KMT5B: variants seen among roughly 807,000 people sequenced by gnomAD.
The protein encoded by KMT5B is lysine methyltransferase 5B.
Under a neutral mutation model 83.2 loss-of-function variants are expected in KMT5B, and 10 were observed. The ratio of observed to expected loss-of-function variants is 0.12; its 90% CI spans 0.07 to 0.20. The LOEUF is 0.20. Ranked by LOEUF, KMT5B falls within the 10% of genes least tolerant of loss-of-function variation. The probability of loss-of-function intolerance (pLI) is 1.00; values close to 1 mark genes in which losing one functional copy is unlikely to be tolerated. For synonymous variants in KMT5B, 349 were observed against 388.8 expected (o/e 0.90, Z 1.20); for missense variants, 753 against 1,067.2 (o/e 0.71, Z 4.10).
At chr11:68,175,256 TGAGA>T in intron 4 of KMT5B, 73 bp from the exon 5 acceptor site, 2 of 1,247,060 alleles carry the variant, frequency 1.6e-6, no homozygotes, top group South Asian at 1.4e-5. Context: ...TAACAGATCT[TGAGA>T]AAGAGCTAAT....
At chr11:68,166,710 A>G in intron 10 of KMT5B, 1 of 1,272,580 alleles carries the variant, frequency 7.9e-7, no homozygotes, top group Non-Finnish European at 9.9e-7. Flanking sequence ...TGTTTAAAAC[A>G]TATGATGACC....
At chr11:68,184,424 G>T (rs1363081501) in intron 3 of KMT5B, among the ~76,000 whole-genome samples, 3 of 152,108 alleles carry the variant, frequency 2.0e-5, no homozygotes, top group African/African-American at 7.2e-5. Context: ...ATTTTTACCT[G>T]AATTACTTCT....
intron 10 of KMT5B, chr11:68,166,140 T>C (rs908893321): frequency 2.1e-6 from 3 of 1,422,320 alleles, no homozygotes; most frequent in Non-Finnish European, 2.8e-6. Context: ...CAGAGACAAG[T>C]GAGACTCAAG....
At chr11:68,194,754 A>G (rs1301602076) in intron 1 of KMT5B, among the ~76,000 whole-genome samples, 1 of 152,238 alleles carries the variant, frequency 6.6e-6, no homozygotes, top group African/African-American at 2.4e-5. Flanking sequence ...GACAAGAGCC[A>G]AAGAAACAGC....
chr11:68,204,859 C>T (rs943661857), intron 1 of KMT5B, among the ~76,000 whole-genome samples: 1 of 151,950 alleles, frequency 6.6e-6, no homozygotes, highest in Admixed American at 6.6e-5. Flanking sequence ...TCAAGTGATC[C>T]GCCCACCTTG....
chr11:68,178,068 T>C (rs1401908151), intron 4 of KMT5B, among the ~76,000 whole-genome samples: 1 of 152,178 alleles, frequency 6.6e-6, no homozygotes, highest in East Asian at 1.9e-4. Context: ...CCGTGCTTTG[T>C]GTGGCAATCA....
At position 68,158,841 on chromosome 11, in the gene KMT5B, G is replaced by A; in HGVS notation, c.1505C>T (p.Ala502Val). 5.6e-6 allele frequency: 9 copies of A among 1,614,148 alleles called. No homozygotes were observed. Among genetic ancestry groups the A allele is most frequent in the Non-Finnish European group, 7.6e-6 (9 of 1,180,042 alleles). The change falls in exon 11 of 11, where the codon GCC (alanine) becomes GTC (valine). Residue 502 changes from alanine (A) to valine (V), a missense_variant. Coordinates refer to ENST00000304363, the MANE Select transcript of KMT5B (RefSeq NM_017635.5). ...AGTCAAGCACCCGCTGGCAACTGCG[G>A]CTTGGGCTGGTCCCTCTGGCTCCTT... ...KDKEPEGPAQ[A>V]AVASGCLTRH...
At chr11:68,204,942 G>A (rs1190629104) in intron 1 of KMT5B, among the ~76,000 whole-genome samples, 1 of 152,018 alleles carries the variant, frequency 6.6e-6, no homozygotes, top group Non-Finnish European at 1.5e-5. Context: ...AAGCCGCTAA[G>A]TTTATGGAAT....
intron 10 of KMT5B, among the ~76,000 whole-genome samples, chr11:68,159,822 G>GCCT: frequency 6.6e-6 from 1 of 152,358 alleles, no homozygotes; most frequent in Non-Finnish European, 1.5e-5. Context: ...CAACCAGTGG[G>GCCT]CTGTCAACTT....
intron 1 of KMT5B, among the ~76,000 whole-genome samples, chr11:68,206,310 C>G (rs1014883402): frequency 3.9e-5 from 6 of 152,218 alleles, no homozygotes; most frequent in Non-Finnish European, 8.8e-5. Flanking sequence ...GAAACAGATG[C>G]CACCTAGTGT....
rs565876984 is a variant in KMT5B at position 68,176,205 on chromosome 11, T to G, written c.378-1022A>C. 6.6e-5 allele frequency among the ~76,000 whole-genome samples: 10 copies of G among 152,210 alleles called. No homozygotes were observed. The East Asian group carries it at 1.7e-3, about 27-fold the overall frequency. On this transcript the variant is annotated intron_variant, in intron 4 of 10. Transcript: ENST00000304363. Reference sequence around the variant, plus strand: ...TAGGTGTGAGCCACTGCGCCTGGCCTGCAGGGGTAGAATTGAAAAGGCTTC... The same window carrying G: ...TAGGTGTGAGCCACTGCGCCTGGCCGGCAGGGGTAGAATTGAAAAGGCTTC...
At position 68,201,642 on chromosome 11, in the gene KMT5B, G is replaced by A. The variant is rs76589521; in HGVS notation, c.-76-11490C>T. Among the ~76,000 whole-genome samples the A allele has an allele frequency of 2.9e-4, 44 of 152,126 alleles. No individual in the cohort carries two copies. In the East Asian group the frequency reaches 7.5e-3, roughly 26 times the overall value. On this transcript the variant is annotated intron_variant, in intron 1 of 10. Coordinates refer to ENST00000304363, the MANE Select transcript of KMT5B (RefSeq NM_017635.5). ...CTGAATGACTAGAAAGAATGTTAACGTAATTCCTGTGACATTACCGAGAAC... is the reference window on the plus strand; with the variant it reads ...CTGAATGACTAGAAAGAATGTTAACATAATTCCTGTGACATTACCGAGAAC...
intron 9 of KMT5B, among the ~76,000 whole-genome samples, chr11:68,169,678 C>T (rs1260698805): frequency 1.3e-5 from 2 of 152,210 alleles, no homozygotes; most frequent in African/African-American, 4.8e-5. Flanking sequence ...TTACCCTACA[C>T]ATCACATAGC....
intron 4 of KMT5B, chr11:68,179,910 G>C: frequency 1.9e-6 from 1 of 527,000 alleles, no homozygotes; most frequent in Non-Finnish European, 3.3e-6. Context: ...AGTGACTCCT[G>C]ATCTTTTGAA....
intron 1 of KMT5B, among the ~76,000 whole-genome samples, chr11:68,211,020 C>CCA (rs1016167362): frequency 6.6e-6 from 1 of 152,196 alleles, no homozygotes; most frequent in African/African-American, 2.4e-5. Flanking sequence ...TGCTTAGATG[C>CCA]CACACACACA....
At chr11:68,179,685 A>C (rs1341163372) in intron 4 of KMT5B, 7 of 1,099,744 alleles carry the variant, frequency 6.4e-6, no homozygotes, top group Non-Finnish European at 8.1e-6. Flanking sequence ...GAAGAGAGAA[A>C]AATGCTCAAA....
Position 68,156,695 on chromosome 11 carries a change from C to G in KMT5B, c.*993G>C, listed in dbSNP as rs1360216811. ...TTGTTTTCAGTTCTTTACATTGAAT[C>G]TCAAAGACAAACTTTTTTTATAGGT... is the stretch of plus-strand genomic sequence containing the variant. On this transcript the variant is annotated 3_prime_UTR_variant, in exon 11 of 11. Transcript: ENST00000304363. The G allele has an allele frequency of 6.6e-6, 1 of 152,590 alleles. No homozygotes were observed. Among genetic ancestry groups the G allele is most frequent in the Non-Finnish European group, 1.5e-5 (1 of 68,024 alleles). The allele number at this position is 152,590 out of a possible 1,614,324, so 9.5% of individuals were successfully genotyped here.
chr11:68,204,097 G>C (rs545297805), intron 1 of KMT5B, among the ~76,000 whole-genome samples: 8 of 152,082 alleles, frequency 5.3e-5, no homozygotes, highest in Non-Finnish European at 1.2e-4. Context: ...GTCTGAAGCT[G>C]AGCAGTTTAC....
chr11:68,213,591 C>G (rs1457070261), upstream of KMT5B: 1 of 152,858 alleles, frequency 6.5e-6, no homozygotes, highest in African/African-American at 2.4e-5. Context: ...CTCACCTCAT[C>G]GCCCCGCTGC....
Sources: allele counts gnomAD v4.1 joint callset (sites outside exome capture counted in the v4.1 genomes callset), GRCh38; gene constraint gnomAD v4.1.1; transcripts MANE v1.5; gene names NCBI Gene and HGNC (gene_info 2026-07-23, HGNC 2026-07-21).